Variants in FAXC observed in about 807,000 individuals in gnomAD.
The protein encoded by FAXC is failed axon connections homolog.
In FAXC, 10 loss-of-function variants were observed where a neutral mutation model predicts 41.9. That is an observed-to-expected ratio of 0.24 (90% confidence interval 0.15 to 0.41). The LOEUF (loss-of-function observed/expected upper bound fraction) is 0.41. FAXC is among the 10% of genes least tolerant of loss of function. The pLI, the probability that FAXC is intolerant of heterozygous loss-of-function variation, is 1.00. For missense variants in FAXC, 399 were observed against 510.9 expected, an observed-to-expected ratio of 0.78 and a Z score of 2.11; for synonymous variants, 183 against 183.8, an observed-to-expected ratio of 1.00 and a Z score of 0.03.
intron 5 of FAXC, among the ~76,000 whole-genome samples, chr6:99,284,596 T>TGA (rs1421300970): frequency 1.5e-5 from 2 of 136,712 alleles, no homozygotes; most frequent in Non-Finnish European, 3.1e-5. Flanking sequence ...TGTGTGTGTG[T>TGA]GTGATAAGCC....
rs563175428 is a variant in FAXC, at chr6:99,281,286, A to C, written c.1108T>G (p.Phe370Val). Residue 370 changes from phenylalanine to valine, a missense_variant, in exon 6 of 6, where the codon TTT (phenylalanine) becomes GTT (valine). Around this residue, in one of 3 missense-constraint regions of FAXC, gnomAD observed 92 missense variants for 94.9 expected, o/e 0.97. Transcript: ENST00000389677. ...CTGTTTTCTGCTCCCTCATCTTCAA[A>C]GGTCTCTGTCCTTGAGTAAAAGCTA... The part of the protein sequence containing the change: ...DFSFYSRTET[F>V]EDEGAENSFS... 6 of 1,614,060 alleles carry C rather than the reference A, an allele frequency of 3.7e-6. No homozygotes were observed. In the Admixed American group the frequency reaches 1.0e-4, roughly 27 times the overall value.
intron 3 of FAXC, among the ~76,000 whole-genome samples, 194 bp downstream of exon 3, chr6:99,333,157 A>G (rs965955519): frequency 2.6e-5 from 4 of 152,264 alleles, no homozygotes; most frequent in Non-Finnish European, 5.9e-5. Flanking sequence ...GGTCCTGTAC[A>G]GAAATGGTTT....
rs184891591 is a variant in FAXC, at chr6:99,284,927, A to G, written c.941-3474T>C. Among the ~76,000 whole-genome samples the G allele has an allele frequency of 7.5e-3, 1,138 of 151,390 alleles. 10 individuals are homozygous for G. Among genetic ancestry groups the G allele is most frequent in the African/African-American group, 0.026 (1,054 of 41,256 alleles). ...GAGCCTCTATCTCAAAAAAAAAAAAAGCCTATACAGAAGACATAAGTTTGC... is the reference window on the plus strand; with the variant it reads ...GAGCCTCTATCTCAAAAAAAAAAAAGGCCTATACAGAAGACATAAGTTTGC... On this transcript the variant is annotated intron_variant, in intron 5 of 5. Coordinates refer to ENST00000389677, the MANE Select transcript of FAXC (RefSeq NM_032511.4).
Position 99,345,296 on chromosome 6 carries a change from T to C in FAXC, c.267-2263A>G, listed in dbSNP as rs1165387911. Reference sequence around the variant, plus strand: ...ATTTTCACCTTGACAAACTCTGTTCTAAGCATGTCACGTGTTATCTCATTT... The same window carrying C: ...ATTTTCACCTTGACAAACTCTGTTCCAAGCATGTCACGTGTTATCTCATTT... On this transcript the variant is annotated intron_variant, in intron 1 of 5. Coordinates refer to ENST00000389677, the MANE Select transcript of FAXC (RefSeq NM_032511.4). Among the ~76,000 whole-genome samples the C allele has an allele frequency of 5.3e-5, 8 of 152,228 alleles. 1 individual carries two copies. The highest frequency in any genetic ancestry group is 1.2e-4 in the Non-Finnish European group (8 of 68,036).
chr6:99,286,182 A>G (rs1457208424), intron 5 of FAXC, among the ~76,000 whole-genome samples: 1 of 152,252 alleles, frequency 6.6e-6, no homozygotes. Context: ...TCTGTCATGC[A>G]GGCATGGAGG....
rs567544501 is a variant in FAXC, at chr6:99,276,506, C to T, written c.*4658G>A. 8 of 152,314 alleles carry T rather than the reference C, an allele frequency of 5.3e-5. No individual in the cohort carries two copies. The South Asian group carries it at 1.7e-3, about 32-fold the overall frequency. 9.4% of individuals were successfully genotyped at this position (152,314 alleles called of 1,614,324 possible). Reference sequence around the variant, plus strand: ...ATCCTATGACTTTCAAAATTCCAAACCTCTAAAACAAAATTTTCTCAAATA... The same window carrying T: ...ATCCTATGACTTTCAAAATTCCAAATCTCTAAAACAAAATTTTCTCAAATA... On this transcript the variant is annotated 3_prime_UTR_variant, in exon 6 of 6. Coordinates refer to ENST00000389677, the MANE Select transcript of FAXC (RefSeq NM_032511.4).
At position 99,308,168 on chromosome 6, in the gene FAXC, G is replaced by T. The variant is rs570882767; in HGVS notation, c.823+15276C>A. 2.6e-5 allele frequency among the ~76,000 whole-genome samples: 4 copies of T among 152,256 alleles called. No individual in the cohort carries two copies. In the South Asian group the frequency reaches 6.2e-4, roughly 24 times the overall value. ...AAAAATTACCCAGGCATGGTGGCAG[G>T]TGCCTGTAATCCCATCTACTTGGGA... On this transcript the variant is annotated intron_variant, in intron 4 of 5. Coordinates refer to ENST00000389677, the MANE Select transcript of FAXC (RefSeq NM_032511.4).
At chr6:99,306,132 C>A (rs183542837) in intron 4 of FAXC, among the ~76,000 whole-genome samples, 1 of 152,042 alleles carries the variant, frequency 6.6e-6, no homozygotes. Context: ...CAGGATCGAG[C>A]AGGCAAAGAT....
At chr6:99,294,269 A>G (rs1317260395) in intron 4 of FAXC, among the ~76,000 whole-genome samples, 1 of 152,092 alleles carries the variant, frequency 6.6e-6, no homozygotes, top group Non-Finnish European at 1.5e-5. Context: ...ATAAGAAGCA[A>G]CTCCTAAGGT....
chr6:99,323,704 A>T (rs374645348), intron 3 of FAXC, 37 bp from the exon 4 acceptor site: 1 of 1,525,504 alleles, frequency 6.6e-7, no homozygotes. Context: ...ACTGTGCATC[A>T]GGTACATATC....
At chr6:99,311,319 T>C (rs574081330) in intron 4 of FAXC, among the ~76,000 whole-genome samples, 3 of 152,244 alleles carry the variant, frequency 2.0e-5, no homozygotes, top group African/African-American at 7.2e-5. Context: ...GCTCACACCT[T>C]TAATCCCAAC....
At chr6:99,323,403 A>C in intron 4 of FAXC, 41 bp downstream of exon 4, 2 of 1,535,182 alleles carry the variant, frequency 1.3e-6, no homozygotes, top group South Asian at 2.3e-5. Context: ...ATGCAAAAGG[A>C]AAGAATAGCA....
intron 2 of FAXC, 33 bp from the exon 3 acceptor site, chr6:99,333,580 C>T: frequency 6.6e-7 from 1 of 1,523,130 alleles, no homozygotes. Context: ...AAGAGAAAAG[C>T]AATATTGTAT....
rs6909059 is a variant in FAXC at position 99,278,103 on chromosome 6, G to A, written c.*3061C>T. 104,760 of 152,062 alleles carry A rather than the reference G, an allele frequency of 0.69. 36,474 individuals carry two copies. Among genetic ancestry groups the A allele is most frequent in the African/African-American group, 0.78 (32,215 of 41,496 alleles). 9.4% of individuals were successfully genotyped at this position (152,062 alleles called of 1,614,324 possible). A position where few individuals can be genotyped will look rare whatever the true frequency, so the allele number is the denominator to read the frequency against. Reference sequence around the variant, plus strand: ...TCTGATTCAAGTCCAAGTTGTTCCAGGTCCGTGATTAGTCTCCTGGGTAGC... The same window carrying A: ...TCTGATTCAAGTCCAAGTTGTTCCAAGTCCGTGATTAGTCTCCTGGGTAGC... On this transcript the variant is annotated 3_prime_UTR_variant, in exon 6 of 6. Transcript: ENST00000389677.
chr6:99,283,012 C>T (rs1015643620), intron 5 of FAXC, among the ~76,000 whole-genome samples: 1 of 152,142 alleles, frequency 6.6e-6, no homozygotes, highest in Non-Finnish European at 1.5e-5. Context: ...ACACTCTGAT[C>T]ACAGTGATAA....
At chr6:99,314,348 C>A (rs575307443) in intron 4 of FAXC, among the ~76,000 whole-genome samples, 1 of 152,268 alleles carries the variant, frequency 6.6e-6, no homozygotes, top group South Asian at 2.1e-4. Flanking sequence ...AATCCAAGCA[C>A]CATCTTATCT....
intron 4 of FAXC, among the ~76,000 whole-genome samples, chr6:99,321,974 A>G (rs1194325344): frequency 1.3e-5 from 2 of 152,266 alleles, no homozygotes; most frequent in African/African-American, 4.8e-5. Flanking sequence ...AGCCAGGAAC[A>G]GACATAGCCA....
chr6:99,347,888 C>A (rs1773656783), intron 1 of FAXC, among the ~76,000 whole-genome samples: 1 of 152,188 alleles, frequency 6.6e-6, no homozygotes, highest in African/African-American at 2.4e-5. Context: ...AGATTCAAGG[C>A]AATGTGTTGA....
intron 3 of FAXC, among the ~76,000 whole-genome samples, chr6:99,330,297 AGT>A (rs781332040): frequency 2.6e-5 from 4 of 152,218 alleles, no homozygotes; most frequent in Non-Finnish European, 5.9e-5. Flanking sequence ...AAGAAGCTGC[AGT>A]GTGTGTCACC....
Sources: gnomAD v4.1 joint callset for allele counts (sites outside exome capture counted in the v4.1 genomes callset) on GRCh38, gnomAD v4.1.1 for gene constraint, gnomAD v4.1.1 regional missense constraint, MANE v1.5 for transcripts, NCBI Gene and HGNC (gene_info 2026-07-23, HGNC 2026-07-21) for gene names.